The following XKR9 variants were observed in gnomAD, a reference collection of about 807,000 sequenced individuals.
The protein encoded by XKR9 is XK related 9, also known as XK-related protein 9.
Under a neutral mutation model 32.0 loss-of-function variants are expected in XKR9, and 32 were observed. That is an observed-to-expected ratio of 1.00 (90% CI 0.76 to 1.34). The LOEUF (loss-of-function observed/expected upper bound fraction) is 1.34, where lower values mean the gene tolerates loss of function less well. Among genes scored for constraint, XKR9 ranks in the 40% most tolerant of loss-of-function variants. The probability of loss-of-function intolerance (pLI) is 0.00; values close to 1 mark genes in which losing one functional copy is unlikely to be tolerated. For synonymous variants in XKR9, 168 were observed against 143.4 expected, an observed-to-expected ratio of 1.17 and a Z score of -1.22; for missense variants, 546 against 429.7, an observed-to-expected ratio of 1.27 and a Z score of -2.39.
At chr8:70,792,838 G>A (rs114941246), downstream of XKR9, among the ~76,000 whole-genome samples, 926 of 152,258 alleles carry the variant, frequency 6.1e-3, 10 homozygotes, top group African/African-American at 0.021. Flanking sequence ...TTTCTACCGT[G>A]TGAGAACACA....
At chr8:70,986,099 G>A in the XKR9 span, among the ~76,000 whole-genome samples, 27 of 152,218 alleles carry the variant, frequency 1.8e-4, no homozygotes, top group East Asian at 7.7e-4. Flanking sequence ...AAAGTTCATC[G>A]AAAAGTGAAC....
chr8:70,898,027 G>T, the XKR9 span, among the ~76,000 whole-genome samples: 3 of 152,262 alleles, frequency 2.0e-5, no homozygotes, highest in South Asian at 6.2e-4. Context: ...TTTTCTTTCA[G>T]TAGTTTCATA....
the XKR9 span, among the ~76,000 whole-genome samples, chr8:70,898,160 G>A: frequency 8.5e-5 from 13 of 152,084 alleles, no homozygotes; most frequent in Non-Finnish European, 1.5e-4. Context: ...AGTATTTATT[G>A]AAGAGACTAT....
At chr8:70,903,778 T>C in the XKR9 span, among the ~76,000 whole-genome samples, 1 of 152,232 alleles carries the variant, frequency 6.6e-6, no homozygotes, top group Non-Finnish European at 1.5e-5. Flanking sequence ...GGGCATTTAG[T>C]GCTATAAATT....
the XKR9 span, among the ~76,000 whole-genome samples, chr8:70,811,637 C>G: frequency 2.6e-5 from 4 of 152,162 alleles, no homozygotes; most frequent in African/African-American, 9.7e-5. Context: ...GAAATACAAA[C>G]TACCATCAGA....
intron 4 of XKR9, among the ~76,000 whole-genome samples, chr8:70,713,637 G>A (rs770999115): frequency 5.3e-5 from 8 of 151,100 alleles, no homozygotes; most frequent in Admixed American, 1.3e-4. Flanking sequence ...ATGAATATTG[G>A]CATTTTGTTT....
At chr8:70,703,849 CTG>C (rs1344405139) in intron 3 of XKR9, among the ~76,000 whole-genome samples, 1 of 152,200 alleles carries the variant, frequency 6.6e-6, no homozygotes, top group East Asian at 1.9e-4. Flanking sequence ...AAAGCCCTCT[CTG>C]TTTTTCTTTT....
At chr8:70,723,278 A>G (rs1465845353) in intron 4 of XKR9, among the ~76,000 whole-genome samples, 6 of 151,950 alleles carry the variant, frequency 3.9e-5, no homozygotes, top group Admixed American at 3.9e-4. Flanking sequence ...ATTGTTACCC[A>G]CCTTCTGAAG....
At chr8:70,852,308 AAAG>A in the XKR9 span, among the ~76,000 whole-genome samples, 5 of 152,194 alleles carry the variant, frequency 3.3e-5, no homozygotes, top group Non-Finnish European at 7.3e-5. Context: ...GAAGTGGAGA[AAAG>A]AATGCTTTCA....
chr8:70,693,497 T>C (rs1805150875), intron 3 of XKR9, among the ~76,000 whole-genome samples: 1 of 152,218 alleles, frequency 6.6e-6, no homozygotes, highest in South Asian at 2.1e-4. Context: ...CTGGCTGTAG[T>C]TCACAACTTG....
At chr8:70,741,855 T>C (rs1452801004) in intron 2 of XKR9, among the ~76,000 whole-genome samples, 8 of 152,234 alleles carry the variant, frequency 5.3e-5, no homozygotes, top group Non-Finnish European at 2.9e-5. Context: ...GGTGGTTATT[T>C]TGAGGAACCT....
intron 2 of XKR9, among the ~76,000 whole-genome samples, chr8:70,679,707 CA>C (rs1389201279): frequency 6.6e-6 from 1 of 151,800 alleles, no homozygotes; most frequent in Non-Finnish European, 1.5e-5. Flanking sequence ...GAAAACAAAC[CA>C]AAAAACCACC....
chr8:70,678,414 A>G (rs1818954430), intron 2 of XKR9, among the ~76,000 whole-genome samples: 2 of 152,214 alleles, frequency 1.3e-5, no homozygotes, highest in South Asian at 2.1e-4. Flanking sequence ...TGTAGTTGAG[A>G]TACCCCTTGA....
At chr8:70,706,682 A>T (rs141165369) in intron 3 of XKR9, among the ~76,000 whole-genome samples, 49 of 152,188 alleles carry the variant, frequency 3.2e-4, no homozygotes, top group South Asian at 6.2e-4. Context: ...TATTGTAAAG[A>T]TGAAATGGGA....
chr8:70,842,947 A>G, the XKR9 span, among the ~76,000 whole-genome samples: 1 of 152,176 alleles, frequency 6.6e-6, no homozygotes, highest in East Asian at 1.9e-4. Context: ...AGAAGGAAGG[A>G]AAGAAGAAAA....
At chr8:70,767,496 C>CTTTTTTTTTTTTTTT (rs34400671) in intron 2 of XKR9, among the ~76,000 whole-genome samples, 1 of 99,344 alleles carries the variant, frequency 1.0e-5, no homozygotes. Flanking sequence ...TCTTTTCCTT[C>CTTTTTTTTTTTTTTT]TTTTTTTTTT....
the XKR9 span, among the ~76,000 whole-genome samples, chr8:70,876,207 G>T: frequency 6.9e-6 from 1 of 145,866 alleles, no homozygotes; most frequent in Admixed American, 7.0e-5. Flanking sequence ...TTCTTTATCA[G>T]AAGATTCGTT....
At chr8:70,770,400 T>C (rs1168645844) in intron 2 of XKR9, among the ~76,000 whole-genome samples, 1 of 152,074 alleles carries the variant, frequency 6.6e-6, no homozygotes, top group Non-Finnish European at 1.5e-5. Context: ...GAGGTCTCTT[T>C]CAGTCAGGAG....
At chr8:70,935,208 T>TATATACATATACATATATACACAC in the XKR9 span, among the ~76,000 whole-genome samples, 2 of 145,490 alleles carry the variant, frequency 1.4e-5, no homozygotes, top group South Asian at 2.2e-4. Context: ...TATACATATA[T>TATATACATATACATATATACACAC]ACACACACAC....
Sources: gnomAD v4.1 joint callset for allele counts (sites outside exome capture counted in the v4.1 genomes callset) on GRCh38, gnomAD v4.1.1 for gene constraint, MANE v1.5 for transcripts, NCBI Gene and HGNC (gene_info 2026-07-23, HGNC 2026-07-21) for gene names.